The following PRPF19 variants were observed in gnomAD, a reference collection of about 807,000 sequenced individuals.
PRPF19 encodes the protein pre-mRNA-processing factor 19.
Under a neutral mutation model 64.2 loss-of-function variants are expected in PRPF19, and 2 were observed. That is an observed-to-expected ratio of 0.03 (90% CI 0.01 to 0.10). The LOEUF (loss-of-function observed/expected upper bound fraction) is 0.10. Among genes scored for constraint, PRPF19 ranks in the 10% least tolerant of loss-of-function variants. PRPF19 has a pLI of 1.00. For missense variants in PRPF19, 314 were observed against 650.0 expected (o/e 0.48, Z 5.62); for synonymous variants, 226 against 251.6 (o/e 0.90, Z 0.96).
At chr11:60,893,721 G>A (rs940255156) in intron 15 of PRPF19, among the ~76,000 whole-genome samples, 1 of 152,102 alleles carries the variant, frequency 6.6e-6, no homozygotes, top group African/African-American at 2.4e-5. Flanking sequence ...TTGGGAGGCC[G>A]AGGCAGGTGG....
intron 11 of PRPF19, 94 bp downstream of exon 11, chr11:60,899,055 G>A: frequency 1.3e-6 from 2 of 1,517,964 alleles, no homozygotes; most frequent in Non-Finnish European, 1.8e-6. Context: ...TGAGGTTCTG[G>A]GGAACCAGCT....
chr11:60,904,134 C>T (rs1013345371), intron 1 of PRPF19, among the ~76,000 whole-genome samples: 2 of 152,164 alleles, frequency 1.3e-5, no homozygotes, highest in Admixed American at 1.3e-4. Flanking sequence ...TACTATGTGC[C>T]AAGCACCTAG....
intron 10 of PRPF19, among the ~76,000 whole-genome samples, 187 bp downstream of exon 10, chr11:60,900,395 G>A (rs1201732373): frequency 6.6e-6 from 1 of 152,206 alleles, no homozygotes; most frequent in East Asian, 1.9e-4. Flanking sequence ...GAAGATCACT[G>A]CTTTAGAAGG....
In PRPF19 at chr11:60,906,384, G is replaced by A. The variant is rs980819554; in HGVS notation, c.-2C>T. 1 of 1,594,668 alleles carries A rather than the reference G, an allele frequency of 6.3e-7. No homozygotes were observed. The highest frequency in any genetic ancestry group is 8.5e-7 in the Non-Finnish European group (1 of 1,172,554). On this transcript the variant is annotated 5_prime_UTR_variant, in exon 1 of 16. Transcript: ENST00000227524. Reference sequence around the variant, plus strand: ...CTCACTGGAGCAGATTAGGGACATGGCGCCGTCACCGTGCTCCGAGGCGCC... The same window carrying A: ...CTCACTGGAGCAGATTAGGGACATGACGCCGTCACCGTGCTCCGAGGCGCC...
intron 15 of PRPF19, among the ~76,000 whole-genome samples, chr11:60,893,050 C>A (rs1235095011): frequency 6.6e-6 from 1 of 152,132 alleles, no homozygotes; most frequent in Non-Finnish European, 1.5e-5. Flanking sequence ...ACGGACCACA[C>A]AAACACTGGT....
Position 60,898,412 on chromosome 11 carries a change from A to G in PRPF19, c.1140+129T>C. On this transcript the variant is annotated intron_variant, in intron 13 of 15. Transcript: ENST00000227524. The surrounding 1 kb of genome is among the most constrained non-coding windows in gnomAD (Gnocchi z 4.6). ...GCGGGACCCCCCAGACCACACCATC[A>G]TATCACACACGCACAGCCAGTGTCT... The G allele has an allele frequency of 1.3e-6, 2 of 1,532,428 alleles. No individual in the cohort carries two copies. The highest frequency in any genetic ancestry group is 1.2e-5 in the South Asian group (1 of 80,578). The allele number at this position is 1,532,428 out of a possible 1,614,324, so 94.9% of individuals were successfully genotyped here.
At position 60,890,917 on chromosome 11, in the gene PRPF19, G is replaced by C. The variant is rs1382775169; in HGVS notation, c.*249C>G. ...CAGGAAGGGAGAGGCCCTGGGCTCC[G>C]ACCCTGGGCCTTAAGAGGGTGACAG... On this transcript the variant is annotated 3_prime_UTR_variant, in exon 16 of 16. Transcript: ENST00000227524. The C allele has an allele frequency of 8.5e-6, 5 of 589,726 alleles. No individual in the cohort carries two copies. Among genetic ancestry groups the C allele is most frequent in the Non-Finnish European group, 1.3e-5 (4 of 317,056 alleles). 36.5% of individuals were successfully genotyped at this position (589,726 alleles called of 1,614,324 possible).
intron 8 of PRPF19, 132 bp downstream of exon 8, chr11:60,901,163 C>T (rs757435035): frequency 7.3e-6 from 8 of 1,096,340 alleles, no homozygotes; most frequent in African/African-American, 1.6e-5. Context: ...GCAGCCCAGG[C>T]GAGAAACAGC....
At chr11:60,900,524 G>T (rs970352585) in intron 10 of PRPF19, 58 bp downstream of exon 10, 6 of 1,341,886 alleles carry the variant, frequency 4.5e-6, no homozygotes, top group Non-Finnish European at 5.2e-6. Context: ...GCAGCGGGGT[G>T]AGGGACAAAC....
At position 60,900,887 on chromosome 11, in the gene PRPF19, G is replaced by A; in HGVS notation, c.685C>T (p.Leu229Phe). The A allele has an allele frequency of 1.2e-6, 2 of 1,614,142 alleles. No homozygotes were observed. Among genetic ancestry groups the A allele is most frequent in the Non-Finnish European group, 1.7e-6 (2 of 1,180,030 alleles). ...ATCTTGTTGGTGTCGGACGGGCAGA[G>A]GTCCAGGGCCAGGATCCCAGGAATG... ...ASIPGILALD[L>F]CPSDTNKILT... is the part of the protein sequence containing the mutation. Residue 229 changes from leucine (L) to phenylalanine (F), a missense_variant, in exon 9 of 16, where the codon CTC becomes TTC. Physicochemically the swap from Leu to Phe is conservative, Grantham distance 22 (BLOSUM62 0). This residue lies in a region of PRPF19 where 175 missense variants were observed against 342.9 expected (regional missense o/e 0.51). Transcript: ENST00000227524.
At chr11:60,901,684 C>T (rs1855985809) in intron 6 of PRPF19, 144 bp from the exon 7 acceptor site, 1 of 899,552 alleles carries the variant, frequency 1.1e-6, no homozygotes, top group African/African-American at 1.7e-5. Context: ...AAGGCATTCT[C>T]TCTTCTTACT....
chr11:60,906,299 C>A, intron 1 of PRPF19, 65 bp downstream of exon 1: 2 of 1,540,920 alleles, frequency 1.3e-6, no homozygotes, highest in African/African-American at 1.4e-5. Context: ...CGCAGCGGAC[C>A]GCACACGCTC....
intron 10 of PRPF19, 116 bp downstream of exon 10, chr11:60,900,466 T>A: frequency 2.4e-6 from 2 of 832,554 alleles, no homozygotes; most frequent in Non-Finnish European, 3.8e-6. Context: ...AAGTGCCCAC[T>A]CAGGAGTCAG....
chr11:60,897,783 G>A, intron 15 of PRPF19, 63 bp downstream of exon 15: 1 of 1,409,942 alleles, frequency 7.1e-7, no homozygotes, highest in Admixed American at 1.9e-5. Flanking sequence ...TCCTAACCCA[G>A]TGAGGCTTCC....
chr11:60,890,878 C>G lies in PRPF19; in HGVS notation c.*288G>C. On this transcript the variant is annotated 3_prime_UTR_variant, in exon 16 of 16. Coordinates refer to ENST00000227524, the MANE Select transcript of PRPF19 (RefSeq NM_014502.5). The stretch of plus-strand genomic sequence containing the variant: ...AATGGGTGTGGAACAGCCACCACCA[C>G]GTCCATTGAACGACAGGAAGGGAGA... 1.8e-6 allele frequency: 1 copy of G among 551,888 alleles called. No homozygotes were observed. Among genetic ancestry groups the G allele is most frequent in the Non-Finnish European group, 3.5e-6 (1 of 289,532 alleles). The allele number at this position is 551,888 out of a possible 1,614,324, so 34.2% of individuals were successfully genotyped here.
rs1389886265 is a variant in PRPF19 at position 60,891,082 on chromosome 11, T to G, written c.*84A>C. ...CACCCCACAGAGCCCCCTCCCCCCA[T>G]AGATTCCCCCCACCCCCCCCCCCAA... On this transcript the variant is annotated 3_prime_UTR_variant, in exon 16 of 16. Coordinates refer to ENST00000227524, the MANE Select transcript of PRPF19 (RefSeq NM_014502.5). The G allele has an allele frequency of 2.0e-4, 13 of 64,550 alleles. No individual in the cohort carries two copies. In the African/African-American group the frequency reaches 2.2e-3, roughly 11 times the overall value. 4.0% of individuals were successfully genotyped at this position (64,550 alleles called of 1,614,324 possible).
At position 60,898,913 on chromosome 11, in the gene PRPF19, T is replaced by C. The variant is rs1290869090; in HGVS notation, c.1003A>G (p.Ile335Val). 2 of 1,602,240 alleles carry C rather than the reference T, an allele frequency of 1.2e-6. No homozygotes were observed. Among genetic ancestry groups the C allele is most frequent in the Non-Finnish European group, 1.7e-6 (2 of 1,174,144 alleles). Residue 335 changes from isoleucine to valine, a missense_variant, in exon 12 of 16, where the codon ATC becomes GTC. Around this residue, in one of 7 missense-constraint regions of PRPF19, gnomAD observed 175 missense variants for 342.9 expected, o/e 0.51. Transcript: ENST00000227524. The surrounding 1 kb of genome is among the most constrained non-coding windows in gnomAD (Gnocchi z 4.6). ...SDDQYWAFSD[I>V]QTGRVLTKVT... is the part of the protein sequence containing the mutation. ...TTGGTGAGCACACGCCCTGTCTGGATGTCAGAGAAAGCCCAGTACTGGGGA... is the reference window on the plus strand; with the variant it reads ...TTGGTGAGCACACGCCCTGTCTGGACGTCAGAGAAAGCCCAGTACTGGGGA...
At position 60,906,406 on chromosome 11, in the gene PRPF19, C is replaced by A. The variant is rs752067909; in HGVS notation, c.-24G>T. 2 of 1,561,584 alleles carry A rather than the reference C, an allele frequency of 1.3e-6. No individual in the cohort carries two copies. The highest frequency in any genetic ancestry group is 1.7e-6 in the Non-Finnish European group (2 of 1,156,218). ...ATGGCGCCGTCACCGTGCTCCGAGG[C>A]GCCACACGCCGGGCTCCGGGACTAG... On this transcript the variant is annotated 5_prime_UTR_variant, in exon 1 of 16. Transcript: ENST00000227524.
intron 1 of PRPF19, among the ~76,000 whole-genome samples, chr11:60,904,701 C>T (rs1411881092): frequency 6.6e-6 from 1 of 152,194 alleles, no homozygotes; most frequent in Non-Finnish European, 1.5e-5. Context: ...AAGTACAGAG[C>T]TTCCCATGCC....
Sources: gnomAD v4.1 joint callset for allele counts (sites outside exome capture counted in the v4.1 genomes callset) on GRCh38, gnomAD v4.1.1 for gene constraint, gnomAD v4.1.1 regional missense constraint, Gnocchi (gnomAD v3.1) non-coding constraint, MANE v1.5 for transcripts, NCBI Gene and HGNC (gene_info 2026-07-23, HGNC 2026-07-21) for gene names.